The following DNAH7 variants were observed in gnomAD, a reference collection of about 807,000 sequenced individuals.
DNAH7 encodes dynein axonemal heavy chain 7.
DNAH7 carries 397 observed loss-of-function variants against 444.6 expected under a neutral mutation model. The ratio of observed to expected loss-of-function variants is 0.89; its 90% CI spans 0.82 to 0.97. The LOEUF (loss-of-function observed/expected upper bound fraction) is 0.97. Ranked by LOEUF, DNAH7 falls within the 50% of genes least tolerant of loss-of-function variation. The probability of loss-of-function intolerance (pLI) is 0.00; values close to 1 mark genes in which losing one functional copy is unlikely to be tolerated. For synonymous variants in DNAH7, 1,636 were observed against 1,624.4 expected (o/e 1.01, Z -0.17); for missense variants, 4,902 against 4,800.8 (o/e 1.02, Z -0.62).
chr2:195,971,009 T>C (rs1036719689), intron 16 of DNAH7, among the ~76,000 whole-genome samples: 1 of 152,204 alleles, frequency 6.6e-6, no homozygotes, highest in African/African-American at 2.4e-5. Context: ...TTACTGAAAC[T>C]TAAACATCTA....
rs1368093474 is a variant in DNAH7, at chr2:195,857,552, T to G, written c.8239A>C (p.Arg2747=). 7 of 1,613,878 alleles carry G rather than the reference T, an allele frequency of 4.3e-6. No individual in the cohort carries two copies. The highest frequency in any genetic ancestry group is 4.2e-6 in the Non-Finnish European group (5 of 1,179,938). ...GPAKRLLGDM[R]FLQSLHEYDK... is the part of the protein sequence containing the mutation. ...TATTCATGAAGTGACTGCAGAAACC[T>G]CATGTCACCAAGAAGTCTCTTAGCT... Residue 2747 remains arginine, a synonymous_variant, in exon 44 of 65, where the codon AGG becomes CGG. Coordinates refer to ENST00000312428, the MANE Select transcript of DNAH7 (RefSeq NM_018897.3).
In DNAH7 at chr2:195,928,878, T is replaced by C. The variant is rs567045830; in HGVS notation, c.3472-2312A>G. The stretch of plus-strand genomic sequence containing the variant: ...TAACTGGAAGTCCTAGACAGAGCGA[T>C]CAGGCAAGAGAAAGAAATAAAAGGT... On this transcript the variant is annotated intron_variant, in intron 21 of 64. Coordinates refer to ENST00000312428, the MANE Select transcript of DNAH7 (RefSeq NM_018897.3). Among the ~76,000 whole-genome samples the C allele has an allele frequency of 3.4e-4, 52 of 152,096 alleles. 1 individual carries two copies. In the South Asian group the frequency reaches 0.01, roughly 30 times the overall value.
chr2:195,843,130 CA>C (rs2125000109), intron 47 of DNAH7, among the ~76,000 whole-genome samples: 1 of 152,250 alleles, frequency 6.6e-6, no homozygotes, highest in Admixed American at 6.5e-5. Context: ...GTTAGACTTC[CA>C]AAATTTCAGA....
intron 38 of DNAH7, among the ~76,000 whole-genome samples, chr2:195,875,071 G>C (rs896578661): frequency 6.6e-6 from 1 of 152,112 alleles, no homozygotes; most frequent in Non-Finnish European, 1.5e-5. Context: ...AGACACCCCA[G>C]CATTAAAAAG....
intron 10 of DNAH7, among the ~76,000 whole-genome samples, chr2:196,006,534 G>A (rs895563058): frequency 6.6e-6 from 1 of 150,564 alleles, no homozygotes; most frequent in Non-Finnish European, 1.5e-5. Flanking sequence ...GTACTGGAGG[G>A]TCTAATCAGG....
chr2:196,048,571 T>C (rs1697274368), intron 3 of DNAH7, among the ~76,000 whole-genome samples, 167 bp from the exon 4 acceptor site: 1 of 152,210 alleles, frequency 6.6e-6, no homozygotes, highest in African/African-American at 2.4e-5. Flanking sequence ...ATGGTCATGG[T>C]GTGCACCATT....
At chr2:195,950,699 A>G (rs1690167554) in intron 19 of DNAH7, among the ~76,000 whole-genome samples, 1 of 151,650 alleles carries the variant, frequency 6.6e-6, no homozygotes, top group African/African-American at 2.4e-5. Flanking sequence ...ATACAAAACC[A>G]AAATTAGCCA....
intron 27 of DNAH7, chr2:195,904,446 G>C (rs994577947): frequency 2.0e-5 from 3 of 152,300 alleles, no homozygotes; most frequent in Non-Finnish European, 4.4e-5. Context: ...CAGAGGCAGG[G>C]AAATGGCAGG....
chr2:196,061,668 G>A (rs1229337992), intron 1 of DNAH7, among the ~76,000 whole-genome samples: 1 of 151,990 alleles, frequency 6.6e-6, no homozygotes, highest in African/African-American at 2.4e-5. Context: ...CTGTAACCAT[G>A]GTCTAAGGAA....
At chr2:195,918,384 C>A (rs995810348) in intron 24 of DNAH7, among the ~76,000 whole-genome samples, 1 of 152,174 alleles carries the variant, frequency 6.6e-6, no homozygotes, top group African/African-American at 2.4e-5. Context: ...CAAAGCTAAA[C>A]ATAGGCTTAG....
rs1436737611 is a variant in DNAH7, at chr2:195,906,928, G to C, written c.4186C>G (p.Gln1396Glu). 1 of 1,612,892 alleles carries C rather than the reference G, an allele frequency of 6.2e-7. No homozygotes were observed. Among genetic ancestry groups the C allele is most frequent in the Admixed American group, 1.7e-5 (1 of 59,814 alleles). Residue 1396 changes from glutamine (Q) to glutamate (E), a missense_variant, in exon 26 of 65, where the codon CAA (glutamine) becomes GAA (glutamate). Gln to Glu is a conservative substitution (Grantham distance 29). Transcript: ENST00000312428. Reference protein sequence around the residue: ...DLEVLSVVAQQILTIQRGINA... With the variant: ...DLEVLSVVAQEILTIQRGINA... ...TTACCTCTTTGGATAGTAAGGATTT[G>C]TTGAGCAACCACAGAGAGTACTTCC...
intron 46 of DNAH7, among the ~76,000 whole-genome samples, chr2:195,849,185 T>A (rs1260955780): frequency 2.0e-5 from 3 of 152,230 alleles, no homozygotes; most frequent in African/African-American, 7.2e-5. Flanking sequence ...GTTTGGCCAG[T>A]GGGAATACCC....
At chr2:195,861,479 T>C (rs982114155) in intron 42 of DNAH7, among the ~76,000 whole-genome samples, 1 of 152,206 alleles carries the variant, frequency 6.6e-6, no homozygotes, top group Non-Finnish European at 1.5e-5. Context: ...GGTTGGAATA[T>C]CTTCATTCTT....
chr2:195,846,535 C>T (rs1287403648), intron 46 of DNAH7, among the ~76,000 whole-genome samples: 3 of 152,148 alleles, frequency 2.0e-5, no homozygotes, highest in Admixed American at 6.6e-5. Flanking sequence ...ATTGTCCTAC[C>T]ATAAAGACAC....
At chr2:195,937,637 T>G (rs1574825659) in intron 19 of DNAH7, among the ~76,000 whole-genome samples, 1 of 152,318 alleles carries the variant, frequency 6.6e-6, no homozygotes, top group East Asian at 1.9e-4. Context: ...ATGAAAATCT[T>G]TAGAAATACA....
chr2:196,025,025 T>C (rs189800810), intron 7 of DNAH7, among the ~76,000 whole-genome samples: 1 of 152,328 alleles, frequency 6.6e-6, no homozygotes, highest in East Asian at 1.9e-4. Context: ...TTACATAGCA[T>C]GTACATTGTA....
chr2:195,872,319 T>G lies in DNAH7; in HGVS notation c.6564A>C (p.Gln2188His). Residue 2188 changes from glutamine (Q) to histidine (H), a missense_variant, in exon 40 of 65, where the codon CAA (glutamine) becomes CAC (histidine). Gln to His is a conservative substitution (Grantham distance 24). Transcript: ENST00000312428. ...TTTCTGGTCTTGACAAACAAACACC[T>G]TGAATGACACGGGAGAAATCACGGA... Reference protein sequence around the residue: ...FNLRDFSRVIQGVCLSRPETT... With the variant: ...FNLRDFSRVIHGVCLSRPETT... 2 of 1,613,930 alleles carry G rather than the reference T, an allele frequency of 1.2e-6. No individual in the cohort carries two copies. Among genetic ancestry groups the G allele is most frequent in the Non-Finnish European group, 1.7e-6 (2 of 1,179,920 alleles).
intron 15 of DNAH7, among the ~76,000 whole-genome samples, chr2:195,975,232 A>T (rs1283489531): frequency 6.6e-6 from 1 of 152,180 alleles, no homozygotes; most frequent in African/African-American, 2.4e-5. Context: ...TGAATTGTGG[A>T]TGCCATCCCT....
intron 24 of DNAH7, among the ~76,000 whole-genome samples, chr2:195,913,391 A>G (rs1687474023): frequency 6.6e-6 from 1 of 152,184 alleles, no homozygotes; most frequent in Non-Finnish European, 1.5e-5. Flanking sequence ...ATCATAGCCC[A>G]TATCATATCC....
Sources: gnomAD v4.1 joint callset for allele counts (sites outside exome capture counted in the v4.1 genomes callset) on GRCh38, gnomAD v4.1.1 for gene constraint, MANE v1.5 for transcripts, NCBI Gene and HGNC (gene_info 2026-07-23, HGNC 2026-07-21) for gene names.